Variants in CADPS observed in about 807,000 individuals in gnomAD.
The protein encoded by CADPS is calcium-dependent secretion activator 1.
CADPS carries 57 observed loss-of-function variants against 167.3 expected under a neutral mutation model. That is an observed-to-expected ratio of 0.34 (90% confidence interval 0.28 to 0.42). The LOEUF (loss-of-function observed/expected upper bound fraction) is 0.42. CADPS is among the 20% of genes least tolerant of loss of function. CADPS has a pLI of 1.00. For synonymous variants in CADPS, 676 were observed against 635.3 expected (o/e 1.06, Z -0.96); for missense variants, 1,414 against 1,738.1 (o/e 0.81, Z 3.32).
chr3:62,773,660 C>A (rs2089511084), intron 1 of CADPS, among the ~76,000 whole-genome samples: 1 of 152,070 alleles, frequency 6.6e-6, no homozygotes, highest in African/African-American at 2.4e-5. Context: ...TTCTTCTAAG[C>A]AATAATATCC....
intron 3 of CADPS, among the ~76,000 whole-genome samples, chr3:62,745,091 C>CT (rs34560464): frequency 5.9e-5 from 9 of 151,448 alleles, no homozygotes; most frequent in South Asian, 2.1e-4. Flanking sequence ...TTTTTGCTTT[C>CT]TTTTTTTTTG....
At chr3:62,537,168 A>C (rs1221769648) in intron 11 of CADPS, among the ~76,000 whole-genome samples, 1 of 152,224 alleles carries the variant, frequency 6.6e-6, no homozygotes, top group Non-Finnish European at 1.5e-5. Context: ...CCTGGAGATT[A>C]AGTTAAATGG....
At chr3:62,557,628 G>C in intron 9 of CADPS, 115 bp from the exon 10 acceptor site, 1 of 785,196 alleles carries the variant, frequency 1.3e-6, no homozygotes, top group Non-Finnish European at 2.2e-6. Context: ...TTCAAACTGA[G>C]TTTTGCTACC....
intron 3 of CADPS, among the ~76,000 whole-genome samples, chr3:62,743,096 C>T (rs917833794): frequency 2.0e-5 from 3 of 151,972 alleles, no homozygotes; most frequent in Non-Finnish European, 4.4e-5. Context: ...CGAGTCATAA[C>T]GGCTATTATT....
At chr3:62,537,996 G>A (rs977899471) in intron 11 of CADPS, among the ~76,000 whole-genome samples, 1 of 152,132 alleles carries the variant, frequency 6.6e-6, no homozygotes, top group South Asian at 2.1e-4. Flanking sequence ...CAGAAGCAAC[G>A]GTTTCCAGAA....
At chr3:62,710,642 A>G (rs9823880) in intron 3 of CADPS, among the ~76,000 whole-genome samples, 120,067 of 151,720 alleles carry the variant, frequency 0.79, 47,767 homozygotes, top group East Asian at 0.98. Context: ...AGTTTTAAAA[A>G]CTCCCCAGGT....
At chr3:62,484,740 G>A (rs1380698611) in intron 21 of CADPS, among the ~76,000 whole-genome samples, 1 of 152,094 alleles carries the variant, frequency 6.6e-6, no homozygotes, top group Non-Finnish European at 1.5e-5. Context: ...CCTGCTTCTA[G>A]AATTGACTCT....
intron 3 of CADPS, among the ~76,000 whole-genome samples, chr3:62,708,623 T>C (rs77111097): frequency 0.08 from 12,092 of 152,002 alleles, 584 homozygotes; most frequent in South Asian, 0.16. Context: ...AACACGAAGA[T>C]GGGCTGAGTT....
At chr3:62,453,051 T>G (rs1214556268) in intron 26 of CADPS, among the ~76,000 whole-genome samples, 1 of 152,158 alleles carries the variant, frequency 6.6e-6, no homozygotes, top group African/African-American at 2.4e-5. Flanking sequence ...GAGGATCACT[T>G]GAACCCAGGA....
At position 62,538,704 on chromosome 3, in the gene CADPS, A is replaced by G. The variant is rs2075184860; in HGVS notation, c.1967-2123T>C. ...TTCAATTATGATGGTACAACTGGTCATTTAGCTCAGAGAGAAGGGGGCTCT... is the reference window on the plus strand; with the variant it reads ...TTCAATTATGATGGTACAACTGGTCGTTTAGCTCAGAGAGAAGGGGGCTCT... On this transcript the variant is annotated intron_variant, in intron 11 of 29. Transcript: ENST00000383710. 2.0e-5 allele frequency among the ~76,000 whole-genome samples: 3 copies of G among 152,176 alleles called. No individual in the cohort carries two copies. In the South Asian group the frequency reaches 6.2e-4, roughly 32 times the overall value.
chr3:62,442,496 G>C (rs1052331743), intron 27 of CADPS, among the ~76,000 whole-genome samples: 1 of 152,124 alleles, frequency 6.6e-6, no homozygotes, highest in African/African-American at 2.4e-5. Flanking sequence ...TGGTATTATA[G>C]GCGTGAGCTG....
At chr3:62,507,968 T>C (rs564214388) in intron 17 of CADPS, among the ~76,000 whole-genome samples, 1 of 152,232 alleles carries the variant, frequency 6.6e-6, no homozygotes, top group Non-Finnish European at 1.5e-5. Context: ...TATTAGCACC[T>C]TTTATAGAAA....
At chr3:62,501,298 T>G (rs2065728111) in intron 17 of CADPS, among the ~76,000 whole-genome samples, 1 of 152,238 alleles carries the variant, frequency 6.6e-6, no homozygotes, top group South Asian at 2.1e-4. Context: ...CTGTTAGTAA[T>G]TTGATAAATA....
At chr3:62,482,208 A>G (rs2062117474) in intron 21 of CADPS, among the ~76,000 whole-genome samples, 1 of 152,186 alleles carries the variant, frequency 6.6e-6, no homozygotes, top group Non-Finnish European at 1.5e-5. Context: ...AAGTTCCTGG[A>G]ATTCTTGGTG....
chr3:62,763,311 G>A (rs1346823156), intron 2 of CADPS, among the ~76,000 whole-genome samples: 1 of 152,094 alleles, frequency 6.6e-6, no homozygotes, highest in Non-Finnish European at 1.5e-5. Flanking sequence ...ATGTGCCCTG[G>A]GGCTGTCAAG....
intron 3 of CADPS, among the ~76,000 whole-genome samples, chr3:62,702,875 T>C (rs1011673752): frequency 6.6e-6 from 1 of 152,114 alleles, no homozygotes; most frequent in African/African-American, 2.4e-5. Context: ...CATGAATTAC[T>C]TCATTTAATC....
chr3:62,507,317 G>A (rs957728658), intron 17 of CADPS, among the ~76,000 whole-genome samples: 5 of 151,998 alleles, frequency 3.3e-5, no homozygotes, highest in African/African-American at 7.3e-5. Flanking sequence ...CCCTGGCCTG[G>A]GTAAAATTCC....
intron 3 of CADPS, among the ~76,000 whole-genome samples, chr3:62,704,514 T>G (rs2081989286): frequency 6.6e-6 from 1 of 152,126 alleles, no homozygotes; most frequent in Non-Finnish European, 1.5e-5. Context: ...TTTATTTACT[T>G]TTTGTGCCCC....
intron 2 of CADPS, among the ~76,000 whole-genome samples, chr3:62,763,247 T>C (rs574531572): frequency 6.6e-6 from 1 of 152,294 alleles, no homozygotes; most frequent in East Asian, 1.9e-4. Context: ...ATGTCTTTGC[T>C]AGGGAGCTCA....
Sources: allele counts gnomAD v4.1 joint callset (sites outside exome capture counted in the v4.1 genomes callset), GRCh38; gene constraint gnomAD v4.1.1; transcripts MANE v1.5; gene names NCBI Gene and HGNC (gene_info 2026-07-23, HGNC 2026-07-21).